The following GPBP1L1 variants were observed in gnomAD, a reference collection of about 807,000 sequenced individuals.
GPBP1L1 encodes GC-rich promoter binding protein 1 like 1.
A neutral mutation model predicts 52.5 loss-of-function variants in GPBP1L1; 23 were observed. That is an observed-to-expected ratio of 0.44 (90% CI 0.32 to 0.62). The LOEUF (loss-of-function observed/expected upper bound fraction) is 0.62. Among genes scored for constraint, GPBP1L1 ranks in the 20% least tolerant of loss-of-function variants. The pLI, the probability that GPBP1L1 is intolerant of heterozygous loss-of-function variation, is 0.06. For missense variants in GPBP1L1, 596 were observed against 579.3 expected (o/e 1.03, Z -0.30); for synonymous variants, 243 against 203.1 (o/e 1.20, Z -1.67).
chr1:45,642,866 G>A (rs1157738487), intron 6 of GPBP1L1, among the ~76,000 whole-genome samples: 1 of 152,210 alleles, frequency 6.6e-6, no homozygotes, highest in Non-Finnish European at 1.5e-5. Context: ...GATTAAAGGA[G>A]GACAATGTGG....
chr1:45,654,735 A>G lies in GPBP1L1; in HGVS notation c.285T>C (p.Gly95=). 6.2e-7 allele frequency: 1 copy of G among 1,614,194 alleles called. No individual in the cohort carries two copies. Among genetic ancestry groups the G allele is most frequent in the South Asian group, 1.1e-5 (1 of 91,088 alleles). Residue 95 remains glycine, a synonymous_variant, in exon 6 of 13, where the codon GGT becomes GGC. Coordinates refer to ENST00000355105, the MANE Select transcript of GPBP1L1 (RefSeq NM_021639.5). The part of the protein sequence containing the change: ...AYAGITGNPS[G]WHSSSRGHDG... ...CATGACCTCGGGAAGAGCTATGCCA[A>G]CCAGATGGGTTCCCTGTGATTCCAG... is the stretch of plus-strand genomic sequence containing the variant.
chr1:45,669,956 C>G (rs1414118650), intron 2 of GPBP1L1, among the ~76,000 whole-genome samples: 1 of 152,190 alleles, frequency 6.6e-6, no homozygotes, highest in Non-Finnish European at 1.5e-5. Flanking sequence ...TCCCACTGAT[C>G]CCAAGCACAC....
chr1:45,634,113 G>T lies in GPBP1L1; in HGVS notation c.868C>A (p.Leu290Met). 1 of 1,612,688 alleles carries T rather than the reference G, an allele frequency of 6.2e-7. No homozygotes were observed. Residue 290 changes from leucine to methionine, a missense_variant, in exon 9 of 13, where the codon CTG becomes ATG. By Grantham distance (15) the Leu-to-Met change is conservative. Transcript: ENST00000355105. ...KPVVLASGAA[L>M]SSPKESPSST... Reference sequence around the variant, plus strand: ...TCACTCACCTCTTTGGGAGAACTCAGAGCTGCACCACTAGCCAGTACCACT... The same window carrying T: ...TCACTCACCTCTTTGGGAGAACTCATAGCTGCACCACTAGCCAGTACCACT...
intron 6 of GPBP1L1, among the ~76,000 whole-genome samples, chr1:45,646,583 G>C (rs1213971706): frequency 1.3e-5 from 2 of 150,058 alleles, no homozygotes; most frequent in African/African-American, 4.9e-5. Flanking sequence ...TTGAGACGGA[G>C]TCTCACTCTG....
intron 2 of GPBP1L1, among the ~76,000 whole-genome samples, chr1:45,683,454 C>A (rs550341004): frequency 1.9e-4 from 28 of 151,208 alleles, no homozygotes; most frequent in South Asian, 1.5e-3. Flanking sequence ...ATCCGCCCGC[C>A]TCGGCCTCCC....
intron 2 of GPBP1L1, among the ~76,000 whole-genome samples, chr1:45,676,162 A>G (rs1481156807): frequency 6.6e-6 from 1 of 152,214 alleles, no homozygotes; most frequent in East Asian, 1.9e-4. Flanking sequence ...CTACTTTAGT[A>G]CTACTTATTT....
intron 2 of GPBP1L1, among the ~76,000 whole-genome samples, chr1:45,667,014 A>G (rs536760894): frequency 6.6e-6 from 1 of 152,348 alleles, no homozygotes; most frequent in East Asian, 1.9e-4. Flanking sequence ...AAAACAGATC[A>G]GTGATTACCA....
chr1:45,651,075 G>C (rs1644813303), intron 6 of GPBP1L1: 1 of 501,908 alleles, frequency 2.0e-6, no homozygotes, highest in Non-Finnish European at 4.0e-6. Flanking sequence ...TTTTGAGCTT[G>C]GCAATGCGAG....
chr1:45,628,611 GCAGATT>G (rs906269022), intron 12 of GPBP1L1, among the ~76,000 whole-genome samples: 2 of 152,074 alleles, frequency 1.3e-5, no homozygotes, highest in Admixed American at 6.5e-5. Context: ...TTTCAAAAAT[GCAGATT>G]CAGATTCAGA....
intron 2 of GPBP1L1, among the ~76,000 whole-genome samples, chr1:45,678,586 T>TA (rs1424019058): frequency 3.3e-5 from 5 of 152,060 alleles, no homozygotes; most frequent in African/African-American, 1.2e-4. Flanking sequence ...ATACAGGAAT[T>TA]AAAAAAAGAA....
chr1:45,644,206 A>G (rs1375846736), intron 6 of GPBP1L1, among the ~76,000 whole-genome samples: 1 of 152,182 alleles, frequency 6.6e-6, no homozygotes, highest in Non-Finnish European at 1.5e-5. Context: ...AGGACAGGTA[A>G]ATACATTCCT....
chr1:45,629,454 T>TCCCCGCCCC, intron 12 of GPBP1L1, 122 bp downstream of exon 12: 1 of 115,396 alleles, frequency 8.7e-6, no homozygotes, highest in Non-Finnish European at 1.6e-5. Context: ...ACTAAGGTAA[T>TCCCCGCCCC]CCCCCCCCCC....
chr1:45,645,151 T>TC (rs1055753569), intron 6 of GPBP1L1, among the ~76,000 whole-genome samples: 3 of 152,214 alleles, frequency 2.0e-5, no homozygotes, highest in Admixed American at 1.3e-4. Flanking sequence ...GAAAAAATAT[T>TC]CCAAGCTCTT....
rs149560421 is a variant in GPBP1L1 at position 45,628,904 on chromosome 1, T to G, written c.1273-496A>C. Among the ~76,000 whole-genome samples, 84 of 152,308 alleles carry G rather than the reference T, an allele frequency of 5.5e-4. No individual in the cohort carries two copies. In the East Asian group the frequency reaches 0.013, roughly 24 times the overall value. On this transcript the variant is annotated intron_variant, in intron 12 of 12. Coordinates refer to ENST00000355105, the MANE Select transcript of GPBP1L1 (RefSeq NM_021639.5). ...CTCTTGAGCTCCTGACCTCGTCATC[T>G]GCCTGCCTCGGCCTCCCAAAGTGTT...
intron 2 of GPBP1L1, among the ~76,000 whole-genome samples, chr1:45,667,418 C>CAG (rs990465309): frequency 6.6e-5 from 10 of 152,166 alleles, no homozygotes; most frequent in African/African-American, 2.4e-4. Flanking sequence ...CCTCATATGT[C>CAG]AGGCGCACTA....
intron 2 of GPBP1L1, among the ~76,000 whole-genome samples, chr1:45,661,789 T>G (rs1644950272): frequency 6.6e-6 from 1 of 152,106 alleles, no homozygotes; most frequent in Admixed American, 6.5e-5. Context: ...ACATGTAATC[T>G]CAACACTTTG....
chr1:45,672,840 C>G (rs1645090451), intron 2 of GPBP1L1, among the ~76,000 whole-genome samples: 1 of 152,120 alleles, frequency 6.6e-6, no homozygotes, highest in Non-Finnish European at 1.5e-5. Context: ...GGATAAAAAG[C>G]TGAGAACTCA....
chr1:45,666,587 A>G (rs1177253279), intron 2 of GPBP1L1, among the ~76,000 whole-genome samples: 1 of 152,254 alleles, frequency 6.6e-6, no homozygotes, highest in Non-Finnish European at 1.5e-5. Flanking sequence ...TAAAGCAAGG[A>G]TGCAGAGAAA....
intron 2 of GPBP1L1, among the ~76,000 whole-genome samples, chr1:45,662,213 T>C (rs1362086171): frequency 6.6e-6 from 1 of 152,192 alleles, no homozygotes; most frequent in African/African-American, 2.4e-5. Context: ...CGCTGCATCC[T>C]TGAACTCCCA....
Sources: gnomAD v4.1 joint callset for allele counts (sites outside exome capture counted in the v4.1 genomes callset) on GRCh38, gnomAD v4.1.1 for gene constraint, MANE v1.5 for transcripts, NCBI Gene and HGNC (gene_info 2026-07-23, HGNC 2026-07-21) for gene names.